Variants in KCNK2 observed in about 807,000 individuals in gnomAD.
KCNK2 encodes the protein potassium channel subfamily K member 2.
Under a neutral mutation model 40.5 loss-of-function variants are expected in KCNK2, and 21 were observed. The ratio of observed to expected loss-of-function variants is 0.52; its 90% CI spans 0.37 to 0.75. The LOEUF (loss-of-function observed/expected upper bound fraction) is 0.75. Among genes scored for constraint, KCNK2 ranks in the 30% least tolerant of loss-of-function variants. The pLI is 0.00. For synonymous variants in KCNK2, 191 were observed against 202.2 expected (o/e 0.94, Z 0.47); for missense variants, 399 against 531.6 (o/e 0.75, Z 2.45).
chr1:215,061,505 GA>G (rs914216028), intron 1 of KCNK2, among the ~76,000 whole-genome samples: 10 of 151,762 alleles, frequency 6.6e-5, no homozygotes, highest in African/African-American at 1.7e-4. Flanking sequence ...AAAGTTAAAA[GA>G]AAAAAAATCT....
intron 1 of KCNK2, among the ~76,000 whole-genome samples, chr1:215,014,585 A>T (rs1241878911): frequency 6.6e-6 from 1 of 152,052 alleles, no homozygotes; most frequent in African/African-American, 2.4e-5. Context: ...AACAAGTGAA[A>T]CACATAATTG....
chr1:215,147,133 T>G (rs889199154), intron 3 of KCNK2, among the ~76,000 whole-genome samples: 2 of 152,194 alleles, frequency 1.3e-5, no homozygotes, highest in Non-Finnish European at 2.9e-5. Context: ...ACTCCTCATT[T>G]GTATGGGTCT....
chr1:215,035,571 C>T (rs1460592205), intron 1 of KCNK2, among the ~76,000 whole-genome samples: 2 of 152,040 alleles, frequency 1.3e-5, no homozygotes, highest in Non-Finnish European at 2.9e-5. Context: ...GGTTTATCCA[C>T]GTTGTTACAC....
At chr1:215,229,400 A>C (rs1333646262) in intron 6 of KCNK2, among the ~76,000 whole-genome samples, 1 of 152,142 alleles carries the variant, frequency 6.6e-6, no homozygotes, top group Non-Finnish European at 1.5e-5. Context: ...ACTGTGGCTC[A>C]CACCTGTAAT....
At chr1:215,160,808 C>T (rs1261742638) in intron 3 of KCNK2, among the ~76,000 whole-genome samples, 1 of 152,068 alleles carries the variant, frequency 6.6e-6, no homozygotes, top group Non-Finnish European at 1.5e-5. Context: ...GTTTTATCTC[C>T]CCCATAATTT....
At chr1:215,234,676 C>A in intron 6 of KCNK2, 152 bp from the exon 7 acceptor site, 1 of 679,466 alleles carries the variant, frequency 1.5e-6, no homozygotes, top group East Asian at 2.6e-5. Flanking sequence ...TATACCCTGC[C>A]TAATTTCATC....
intron 1 of KCNK2, among the ~76,000 whole-genome samples, chr1:215,014,218 A>C (rs1292451071): frequency 6.6e-6 from 1 of 152,054 alleles, no homozygotes; most frequent in Admixed American, 6.6e-5. Context: ...TATTGATTGA[A>C]TTTTGAATGT....
intron 1 of KCNK2, among the ~76,000 whole-genome samples, chr1:215,037,806 A>C (rs945811824): frequency 6.6e-6 from 1 of 152,014 alleles, no homozygotes; most frequent in Admixed American, 6.6e-5. Flanking sequence ...ATTTTATCAA[A>C]TTGACTGGCA....
At chr1:215,152,481 G>C (rs1312753464) in intron 3 of KCNK2, among the ~76,000 whole-genome samples, 2 of 152,060 alleles carry the variant, frequency 1.3e-5, no homozygotes, top group African/African-American at 2.4e-5. Flanking sequence ...GTCTTCCCTG[G>C]TTTTCAGTGT....
At chr1:215,179,957 G>A (rs548953892) in intron 5 of KCNK2, among the ~76,000 whole-genome samples, 4 of 152,016 alleles carry the variant, frequency 2.6e-5, no homozygotes, top group South Asian at 4.2e-4. Context: ...GCAGTGCAGT[G>A]TTGAGGTCCC....
intron 6 of KCNK2, among the ~76,000 whole-genome samples, chr1:215,232,270 A>T (rs7516344): frequency 0.23 from 34,580 of 152,136 alleles, 4,530 homozygotes; most frequent in African/African-American, 0.36. Context: ...GATATAAACT[A>T]TGAGCTGAAA....
At chr1:215,124,168 A>G (rs1235377490) in intron 2 of KCNK2, among the ~76,000 whole-genome samples, 5 of 152,288 alleles carry the variant, frequency 3.3e-5, no homozygotes, top group Middle Eastern at 6.8e-3. Flanking sequence ...GGCTTGGTAC[A>G]GTTATAGCCA....
At chr1:215,055,593 A>G (rs1482581149) in intron 1 of KCNK2, among the ~76,000 whole-genome samples, 2 of 152,212 alleles carry the variant, frequency 1.3e-5, no homozygotes, top group Non-Finnish European at 2.9e-5. Context: ...ACAGCTTCCT[A>G]TATTCTTTAA....
chr1:215,155,028 A>G (rs1232296584), intron 3 of KCNK2, among the ~76,000 whole-genome samples: 1 of 152,106 alleles, frequency 6.6e-6, no homozygotes, highest in Admixed American at 6.6e-5. Flanking sequence ...GTTACATTTA[A>G]AGAATTATTC....
intron 3 of KCNK2, among the ~76,000 whole-genome samples, chr1:215,160,057 A>T (rs1663125949): frequency 6.6e-6 from 1 of 152,240 alleles, no homozygotes; most frequent in Admixed American, 6.5e-5. Context: ...GGGAGATTAA[A>T]GGAAACTAAA....
At chr1:215,177,740 A>ATATGTGTATATATATATATATATATT (rs71167812) in intron 5 of KCNK2, among the ~76,000 whole-genome samples, 2 of 101,578 alleles carry the variant, frequency 2.0e-5, no homozygotes, top group African/African-American at 7.0e-5. Context: ...ATATATATAT[A>ATATGTGTATATATATATATATATATT]TTTTTTTTTT....
chr1:215,026,316 T>TA (rs1656998508), intron 1 of KCNK2, among the ~76,000 whole-genome samples: 1 of 152,050 alleles, frequency 6.6e-6, no homozygotes. Context: ...CTGTCTTTAT[T>TA]AATAGTATCT....
chr1:215,083,202 CCG>C lies in KCNK2; in HGVS notation c.-182_-181del, dbSNP rs1659253032. 3 of 786,678 alleles carry C rather than the reference CCG, an allele frequency of 3.8e-6. No individual in the cohort carries two copies. The highest frequency in any genetic ancestry group is 3.7e-5 in the East Asian group (1 of 27,364). The allele number at this position is 786,678 out of a possible 1,614,324, so 48.7% of individuals were successfully genotyped here. A position where few individuals can be genotyped will look rare whatever the true frequency, so the allele number is the denominator to read the frequency against. On this transcript the variant is annotated 5_prime_UTR_variant, in exon 1 of 7. Transcript: ENST00000444842. ...TTCGTTTCTTCTCACGCTCCCCCCCCCGCCCCCTCCCGCGTCCAGCCCCGCTC... is the reference window on the plus strand; with the variant it reads ...TTCGTTTCTTCTCACGCTCCCCCCCCCCCCCTCCCGCGTCCAGCCCCGCTC...
chr1:215,218,005 T>A (rs1316000927), intron 6 of KCNK2, among the ~76,000 whole-genome samples: 4 of 151,982 alleles, frequency 2.6e-5, no homozygotes, highest in African/African-American at 7.3e-5. Flanking sequence ...GTGCTAGAAG[T>A]CCAAAGAAGA....
Sources: allele counts gnomAD v4.1 joint callset (sites outside exome capture counted in the v4.1 genomes callset), GRCh38; gene constraint gnomAD v4.1.1; transcripts MANE v1.5; gene names NCBI Gene and HGNC (gene_info 2026-07-23, HGNC 2026-07-21).